Variants in ROR1 observed in about 807,000 individuals in gnomAD.
ROR1 encodes the protein inactive tyrosine-protein kinase transmembrane receptor ROR1.
A neutral mutation model predicts 78.8 loss-of-function variants in ROR1; 19 were observed. The observed-to-expected ratio is 0.24, with a 90% CI of 0.17 to 0.35. The LOEUF (loss-of-function observed/expected upper bound fraction) is 0.35. Among genes scored for constraint, ROR1 ranks in the 10% least tolerant of loss-of-function variants. The probability of loss-of-function intolerance (pLI) is 1.00; values close to 1 mark genes in which losing one functional copy is unlikely to be tolerated. For synonymous variants in ROR1, 386 were observed against 433.6 expected, an observed-to-expected ratio of 0.89 and a Z score of 1.36; for missense variants, 917 against 1,177.8, an observed-to-expected ratio of 0.78 and a Z score of 3.24.
intron 1 of ROR1, among the ~76,000 whole-genome samples, chr1:63,846,258 C>G (rs1353181102): frequency 6.6e-6 from 1 of 151,544 alleles, no homozygotes; most frequent in Non-Finnish European, 1.5e-5. Flanking sequence ...AGCCCCTGTT[C>G]CTCAATACCA....
chr1:63,892,508 G>A (rs1645405427), intron 1 of ROR1, among the ~76,000 whole-genome samples: 1 of 152,146 alleles, frequency 6.6e-6, no homozygotes, highest in African/African-American at 2.4e-5. Context: ...CTGTAACTAT[G>A]TTTATTGTAT....
Position 64,095,970 on chromosome 1 carries a change from C to T in ROR1, c.483-41399C>T, listed in dbSNP as rs963911754. Among the ~76,000 whole-genome samples the T allele has an allele frequency of 3.3e-5, 5 of 152,058 alleles. No homozygotes were observed. In the East Asian group the frequency reaches 5.8e-4, roughly 18 times the overall value. On this transcript the variant is annotated intron_variant, in intron 4 of 8. Transcript: ENST00000371079. ...TGTTAACAAAGATATTCTAAATAAA[C>T]CTCTTAATACTATTCTAAAATAATT...
intron 1 of ROR1, among the ~76,000 whole-genome samples, chr1:63,984,991 C>T (rs576820896): frequency 6.6e-6 from 1 of 152,176 alleles, no homozygotes; most frequent in African/African-American, 2.4e-5. Flanking sequence ...GCTGTCTTTT[C>T]ACAATACTGC....
chr1:63,972,636 C>T (rs778639801), intron 1 of ROR1, among the ~76,000 whole-genome samples: 2 of 152,078 alleles, frequency 1.3e-5, no homozygotes, highest in South Asian at 2.1e-4. Context: ...GGGTGGCATA[C>T]GATTCATAAG....
In ROR1 at chr1:64,006,881, C is replaced by G. The variant is rs77339727; in HGVS notation, c.92-2424C>G. Among the ~76,000 whole-genome samples, 161 of 152,300 alleles carry G rather than the reference C, an allele frequency of 1.1e-3. 1 individual carries two copies. Among genetic ancestry groups the G allele is most frequent in the African/African-American group, 3.8e-3 (158 of 41,562 alleles). On this transcript the variant is annotated intron_variant, in intron 1 of 8. Transcript: ENST00000371079. ...GAGATAAACTAGAAGTATGCCTTTG[C>G]AAGGTCTCAGTGAGTCAACATCCTG...
In ROR1 at chr1:63,930,232, T is replaced by A. The variant is rs140293580; in HGVS notation, c.92-79073T>A. Among the ~76,000 whole-genome samples the A allele has an allele frequency of 3.7e-3, 569 of 152,268 alleles. 6 individuals are homozygous for A. The highest frequency in any genetic ancestry group is 0.013 in the African/African-American group (536 of 41,554). On this transcript the variant is annotated intron_variant, in intron 1 of 8. Transcript: ENST00000371079. ...TTTAAAGGCAGGGATTCCGGCTTATTGGACTCTGCTGTGAACTGACTAAAG... is the reference window on the plus strand; with the variant it reads ...TTTAAAGGCAGGGATTCCGGCTTATAGGACTCTGCTGTGAACTGACTAAAG...
chr1:63,902,879 T>C (rs1405232693), intron 1 of ROR1, among the ~76,000 whole-genome samples: 1 of 152,208 alleles, frequency 6.6e-6, no homozygotes, highest in African/African-American at 2.4e-5. Context: ...TCATCCTTAG[T>C]GTGTGCTTCT....
chr1:64,068,773 A>C (rs1422743643), intron 4 of ROR1, among the ~76,000 whole-genome samples: 1 of 152,158 alleles, frequency 6.6e-6, no homozygotes, highest in African/African-American at 2.4e-5. Flanking sequence ...ATTCTTTGAC[A>C]GATGTAGGAG....
chr1:63,890,931 T>C (rs1043487137), intron 1 of ROR1, among the ~76,000 whole-genome samples: 2 of 152,126 alleles, frequency 1.3e-5, no homozygotes, highest in East Asian at 1.9e-4. Flanking sequence ...ACCCAAAATA[T>C]AGTGTATGAC....
intron 1 of ROR1, among the ~76,000 whole-genome samples, chr1:63,888,357 G>T (rs1050725912): frequency 2.6e-5 from 4 of 152,106 alleles, no homozygotes; most frequent in African/African-American, 9.7e-5. Context: ...GTTCATACCT[G>T]TAATCCTAGC....
intron 1 of ROR1, among the ~76,000 whole-genome samples, chr1:63,798,941 A>G (rs1644779160): frequency 6.6e-6 from 1 of 152,170 alleles, no homozygotes; most frequent in African/African-American, 2.4e-5. Flanking sequence ...ACCATACTTT[A>G]TATCTTGGCT....
intron 8 of ROR1, among the ~76,000 whole-genome samples, chr1:64,173,565 G>A (rs12093129): frequency 0.011 from 1,627 of 152,294 alleles, 31 homozygotes; most frequent in African/African-American, 0.038. Flanking sequence ...GAAAAACAGA[G>A]AGCCTTGGAG....
intron 1 of ROR1, chr1:63,843,276 C>T: frequency 6.8e-7 from 1 of 1,468,772 alleles, no homozygotes; most frequent in South Asian, 1.1e-5. Context: ...CTCCTTGTAG[C>T]AGTTTGTGTG....
chr1:63,827,882 A>G (rs907434095), intron 1 of ROR1, among the ~76,000 whole-genome samples: 6 of 152,184 alleles, frequency 3.9e-5, no homozygotes, highest in Non-Finnish European at 7.3e-5. Context: ...ACAGAATAAA[A>G]TTGTGGAAAC....
chr1:64,029,735 A>G (rs1646644704), intron 2 of ROR1, among the ~76,000 whole-genome samples: 1 of 152,166 alleles, frequency 6.6e-6, no homozygotes, highest in Non-Finnish European at 1.5e-5. Context: ...ACCTCATTAA[A>G]TGTCATCTCC....
At chr1:64,174,022 T>A (rs1207421077) in intron 8 of ROR1, among the ~76,000 whole-genome samples, 3 of 152,134 alleles carry the variant, frequency 2.0e-5, no homozygotes, top group Non-Finnish European at 4.4e-5. Context: ...AGAGAAAGAT[T>A]AACAGGAAGA....
At chr1:63,910,685 A>G (rs1557556796) in intron 1 of ROR1, among the ~76,000 whole-genome samples, 1 of 152,122 alleles carries the variant, frequency 6.6e-6, no homozygotes, top group Non-Finnish European at 1.5e-5. Context: ...TCTTCCTGAT[A>G]CCGTCCTCTA....
intron 1 of ROR1, among the ~76,000 whole-genome samples, chr1:63,951,076 T>C (rs1225209568): frequency 6.6e-6 from 1 of 152,306 alleles, no homozygotes; most frequent in African/African-American, 2.4e-5. Flanking sequence ...TCTTTGGGGA[T>C]TGGCTGAAGT....
chr1:63,877,473 A>C (rs1351901818), intron 1 of ROR1, among the ~76,000 whole-genome samples: 3 of 152,192 alleles, frequency 2.0e-5, no homozygotes, highest in Admixed American at 2.0e-4. Flanking sequence ...GCACTTGGCA[A>C]GAGTAAAATG....
Sources: allele counts gnomAD v4.1 joint callset (sites outside exome capture counted in the v4.1 genomes callset), GRCh38; gene constraint gnomAD v4.1.1; transcripts MANE v1.5; gene names NCBI Gene and HGNC (gene_info 2026-07-23, HGNC 2026-07-21).